The following FSTL4 variants were observed in gnomAD, a reference collection of about 807,000 sequenced individuals.
The protein encoded by FSTL4 is follistatin-related protein 4.
A neutral mutation model predicts 78.2 loss-of-function variants in FSTL4; 28 were observed. That is an observed-to-expected ratio of 0.36 (90% CI 0.27 to 0.49). FSTL4 has a LOEUF of 0.49. Among genes scored for constraint, FSTL4 ranks in the 20% least tolerant of loss-of-function variants. The pLI is 0.98. For missense variants in FSTL4, 922 were observed against 1,084.9 expected (o/e 0.85, Z 2.11); for synonymous variants, 422 against 440.5 (o/e 0.96, Z 0.53).
intron 4 of FSTL4, among the ~76,000 whole-genome samples, chr5:133,396,680 A>G (rs912904211): frequency 5.9e-5 from 9 of 152,188 alleles, no homozygotes; most frequent in Non-Finnish European, 1.2e-4. Flanking sequence ...TTAAATTCCT[A>G]AAGTAACAAG....
At chr5:133,308,060 G>T (rs1027246035) in intron 6 of FSTL4, among the ~76,000 whole-genome samples, 1 of 152,176 alleles carries the variant, frequency 6.6e-6, no homozygotes, top group South Asian at 2.1e-4. Flanking sequence ...GATTACAGGC[G>T]TGAGCCACCG....
At chr5:133,531,019 T>C (rs1246413262) in intron 3 of FSTL4, among the ~76,000 whole-genome samples, 1 of 152,086 alleles carries the variant, frequency 6.6e-6, no homozygotes, top group Non-Finnish European at 1.5e-5. Flanking sequence ...ATCTAGAAGG[T>C]GGGACTGAAG....
chr5:133,743,125 C>G, the FSTL4 span, among the ~76,000 whole-genome samples: 21 of 152,254 alleles, frequency 1.4e-4, no homozygotes, highest in African/African-American at 4.8e-4. Context: ...AATCTAAGTA[C>G]AGCTCAGACT....
At chr5:133,454,802 G>A (rs572539787) in intron 3 of FSTL4, among the ~76,000 whole-genome samples, 2 of 152,114 alleles carry the variant, frequency 1.3e-5, no homozygotes, top group Non-Finnish European at 1.5e-5. Context: ...TCTTTTCTGT[G>A]GGGGGTGGTC....
chr5:133,449,761 C>T (rs139923614), intron 3 of FSTL4, among the ~76,000 whole-genome samples: 32 of 152,314 alleles, frequency 2.1e-4, no homozygotes, highest in African/African-American at 7.5e-4. Context: ...TTTCCTCTCC[C>T]TTCCAACACC....
chr5:133,631,858 T>A, the FSTL4 span, among the ~76,000 whole-genome samples: 1 of 152,112 alleles, frequency 6.6e-6, no homozygotes, highest in Non-Finnish European at 1.5e-5. Flanking sequence ...GGGACGTGGA[T>A]GAAGCTGGAA....
the FSTL4 span, among the ~76,000 whole-genome samples, chr5:133,834,278 C>T: frequency 6.6e-6 from 1 of 152,022 alleles, no homozygotes; most frequent in Non-Finnish European, 1.5e-5. Flanking sequence ...TGGGCACCCC[C>T]TTTGACTAAG....
At chr5:133,418,399 C>T (rs1756623502) in intron 3 of FSTL4, among the ~76,000 whole-genome samples, 1 of 151,744 alleles carries the variant, frequency 6.6e-6, no homozygotes, top group Admixed American at 6.6e-5. Flanking sequence ...GGTCAATATG[C>T]TCACGGATTA....
At chr5:133,279,768 T>TAGAACCTC (rs1202525358) in intron 6 of FSTL4, among the ~76,000 whole-genome samples, 1 of 152,238 alleles carries the variant, frequency 6.6e-6, no homozygotes, top group African/African-American at 2.4e-5. Flanking sequence ...TCATGTCTAT[T>TAGAACCTC]AGAACCTCAG....
chr5:133,544,948 T>C (rs1393014634), intron 3 of FSTL4, among the ~76,000 whole-genome samples: 1 of 152,206 alleles, frequency 6.6e-6, no homozygotes, highest in African/African-American at 2.4e-5. Flanking sequence ...TTTTGGGCAG[T>C]GGAGACCCAG....
the FSTL4 span, among the ~76,000 whole-genome samples, chr5:133,832,707 G>A: frequency 2.0e-4 from 31 of 152,306 alleles, no homozygotes; most frequent in South Asian, 6.2e-4. Flanking sequence ...AACAAAATGT[G>A]AGTATGAGCA....
chr5:133,283,660 A>G (rs1347938559), intron 6 of FSTL4, among the ~76,000 whole-genome samples: 1 of 152,168 alleles, frequency 6.6e-6, no homozygotes, highest in East Asian at 1.9e-4. Context: ...TGCATTTGCC[A>G]GGGGCAGTGG....
chr5:133,772,655 C>T, the FSTL4 span, among the ~76,000 whole-genome samples: 1 of 152,112 alleles, frequency 6.6e-6, no homozygotes, highest in African/African-American at 2.4e-5. Context: ...AGCAAGAGAA[C>T]ACATGTGCAC....
chr5:133,836,765 T>C, the FSTL4 span, among the ~76,000 whole-genome samples: 2 of 152,204 alleles, frequency 1.3e-5, no homozygotes, highest in African/African-American at 4.8e-5. Flanking sequence ...GGTTCTGATA[T>C]GTGATATTTC....
At chr5:133,402,033 C>T (rs1756240341) in intron 3 of FSTL4, among the ~76,000 whole-genome samples, 1 of 152,048 alleles carries the variant, frequency 6.6e-6, no homozygotes, top group Non-Finnish European at 1.5e-5. Flanking sequence ...GGTAGGGAGA[C>T]CAGAGGCTGG....
intron 4 of FSTL4, among the ~76,000 whole-genome samples, chr5:133,334,252 C>T (rs968016293): frequency 3.3e-5 from 5 of 152,186 alleles, no homozygotes; most frequent in African/African-American, 9.7e-5. Flanking sequence ...TCACAGTTGG[C>T]GAGGGTCCTG....
intron 6 of FSTL4, among the ~76,000 whole-genome samples, chr5:133,269,388 G>T (rs192804063): frequency 2.0e-5 from 3 of 152,302 alleles, no homozygotes; most frequent in African/African-American, 7.2e-5. Flanking sequence ...TCCATGAGGC[G>T]TGAGACGGGG....
the FSTL4 span, among the ~76,000 whole-genome samples, chr5:133,732,900 G>A: frequency 7.2e-5 from 11 of 152,176 alleles, no homozygotes; most frequent in Non-Finnish European, 1.0e-4. Flanking sequence ...GGATGCTGCC[G>A]GCTTTGACTT....
Position 133,236,708 on chromosome 5 carries a change from G to A in FSTL4, c.895-3171C>T, listed in dbSNP as rs894010006. Reference sequence around the variant, plus strand: ...CCCTACTGCCTCGCACACTCCCCTTGCTGTTGCTCTAGTGTGCCAGGCATG... The same window carrying A: ...CCCTACTGCCTCGCACACTCCCCTTACTGTTGCTCTAGTGTGCCAGGCATG... On this transcript the variant is annotated intron_variant, in intron 7 of 15. Transcript: ENST00000265342. The surrounding 1 kb of genome is among the most constrained non-coding windows in gnomAD (Gnocchi z 5.0). Among the ~76,000 whole-genome samples the A allele has an allele frequency of 2.6e-5, 4 of 152,204 alleles. No homozygotes were observed. Among genetic ancestry groups the A allele is most frequent in the Non-Finnish European group, 1.5e-5 (1 of 68,038 alleles).
Sources: allele counts gnomAD v4.1 joint callset (sites outside exome capture counted in the v4.1 genomes callset), GRCh38; gene constraint gnomAD v4.1.1; non-coding constraint Gnocchi (gnomAD v3.1); transcripts MANE v1.5; gene names NCBI Gene and HGNC (gene_info 2026-07-23, HGNC 2026-07-21).